The following ITGAE variants were observed in gnomAD, a reference collection of about 807,000 sequenced individuals.
ITGAE encodes the protein integrin alpha-E.
In ITGAE, 99 loss-of-function variants were observed where a neutral mutation model predicts 136.5. The observed-to-expected ratio is 0.73, with a 90% CI of 0.62 to 0.86. The LOEUF is 0.86. ITGAE is among the 40% of genes least tolerant of loss of function. The pLI is 0.00. For synonymous variants in ITGAE, 613 were observed against 591.8 expected (o/e 1.04, Z -0.52); for missense variants, 1,447 against 1,515.3 (o/e 0.95, Z 0.75).
chr17:3,791,154 CAAA>C (rs61179988), intron 1 of ITGAE, among the ~76,000 whole-genome samples: 2,382 of 96,290 alleles, frequency 0.025, 22 homozygotes, highest in Non-Finnish European at 0.036. Flanking sequence ...GACTCTGTCT[CAAA>C]AAAAAAAAAA....
At chr17:3,756,871 G>C in intron 10 of ITGAE, 113 bp downstream of exon 10, 1 of 1,160,000 alleles carries the variant, frequency 8.6e-7, no homozygotes, top group Non-Finnish European at 1.2e-6. Context: ...GAAGAGCTGA[G>C]GTTCAGGGAG....
At chr17:3,740,418 C>G (rs1476307046) in intron 19 of ITGAE, among the ~76,000 whole-genome samples, 3 of 152,188 alleles carry the variant, frequency 2.0e-5, no homozygotes, top group Non-Finnish European at 4.4e-5. Flanking sequence ...GCTCTGTCAT[C>G]CAGGCTGGAG....
intron 28 of ITGAE, among the ~76,000 whole-genome samples, chr17:3,723,040 C>T (rs183517105): frequency 2.4e-4 from 37 of 152,246 alleles, no homozygotes; most frequent in African/African-American, 8.2e-4. Context: ...GGGCTTGCTG[C>T]TGGAATAGAC....
At chr17:3,755,937 G>A (rs1241708232) in intron 10 of ITGAE, 40 bp from the exon 11 acceptor site, 1 of 1,554,024 alleles carries the variant, frequency 6.4e-7, no homozygotes, top group African/African-American at 1.4e-5. Flanking sequence ...TGTGGGCCGA[G>A]GTGAAGGGAG....
chr17:3,740,905 G>C (rs980306277), intron 19 of ITGAE, among the ~76,000 whole-genome samples: 1 of 152,108 alleles, frequency 6.6e-6, no homozygotes, highest in Non-Finnish European at 1.5e-5. Flanking sequence ...TGGCCACCTC[G>C]GCAGCTGTCT....
intron 26 of ITGAE, chr17:3,725,717 T>A (rs965277654): frequency 1.3e-6 from 2 of 1,573,784 alleles, no homozygotes; most frequent in African/African-American, 2.7e-5. Context: ...CTGATTTTTT[T>A]AAAGACGACC....
At chr17:3,746,212 G>C (rs145380863) in intron 17 of ITGAE, among the ~76,000 whole-genome samples, 2 of 152,286 alleles carry the variant, frequency 1.3e-5, no homozygotes, top group African/African-American at 4.8e-5. Context: ...AGGGGATCGA[G>C]ATTGAAGAAG....
chr17:3,769,332 C>G (rs2052366657), intron 2 of ITGAE, among the ~76,000 whole-genome samples: 1 of 151,804 alleles, frequency 6.6e-6, no homozygotes, highest in Admixed American at 6.6e-5. Context: ...GACTATAGCA[C>G]CCCACCCCCA....
chr17:3,737,198 C>G (rs1040359333), intron 20 of ITGAE, among the ~76,000 whole-genome samples: 1 of 152,172 alleles, frequency 6.6e-6, no homozygotes, highest in African/African-American at 2.4e-5. Flanking sequence ...GAGGCTGAGG[C>G]AGGAGAAGCA....
intron 1 of ITGAE, among the ~76,000 whole-genome samples, chr17:3,800,728 A>T (rs1597382891): frequency 6.6e-6 from 1 of 152,200 alleles, no homozygotes; most frequent in Non-Finnish European, 1.5e-5. Flanking sequence ...CCTGCTCTGT[A>T]ACAGAAGGGA....
rs143183572 is a variant in ITGAE at position 3,761,942 on chromosome 17, G to A, written c.288C>T (p.Thr96=). 3.6e-4 allele frequency: 585 copies of A among 1,613,966 alleles called. 3 individuals carry two copies. The African/African-American group carries it at 4.7e-3, about 13-fold the overall frequency. Residue 96 remains threonine, a synonymous_variant, in exon 4 of 31, where the codon ACC becomes ACT. Transcript: ENST00000263087. ...AAACACCGTGGTGGCTCCGGACAAC[G>A]GTCACTCCCCGGTGCCTCCCCTTGG... ...PIPKGRHRGV[T]VVRSHHGVLI... is the part of the protein sequence containing the mutation.
At chr17:3,728,928 C>T (rs2976233) in intron 24 of ITGAE, among the ~76,000 whole-genome samples, 19,198 of 151,216 alleles carry the variant, frequency 0.13, 4,041 homozygotes, top group African/African-American at 0.44. Flanking sequence ...CTCAACTACT[C>T]GGGAGGCTGA....
rs185506466 is a variant in ITGAE, at chr17:3,791,021, G to T, written c.34+10090C>A. Among the ~76,000 whole-genome samples the T allele has an allele frequency of 1.3e-3, 193 of 151,880 alleles. 1 individual carries two copies. Among genetic ancestry groups the T allele is most frequent in the African/African-American group, 4.5e-3 (187 of 41,468 alleles). On this transcript the variant is annotated intron_variant, in intron 1 of 30. Coordinates refer to ENST00000263087, the MANE Select transcript of ITGAE (RefSeq NM_002208.5). Reference sequence around the variant, plus strand: ...TACAAAAAAATTAGCCAGGCGTGGTGGTGGGCGCCTCTAGTCCCAGCTACT... The same window carrying T: ...TACAAAAAAATTAGCCAGGCGTGGTTGTGGGCGCCTCTAGTCCCAGCTACT...
At chr17:3,787,690 CTT>C (rs373882120) in intron 1 of ITGAE, among the ~76,000 whole-genome samples, 20 of 140,260 alleles carry the variant, frequency 1.4e-4, no homozygotes, top group Non-Finnish European at 1.4e-4. Context: ...ATGGTTTTCT[CTT>C]TTTTTTTTTT....
chr17:3,723,816 G>A (rs1219685144), intron 26 of ITGAE, 72 bp from the exon 27 acceptor site: 3 of 1,571,992 alleles, frequency 1.9e-6, no homozygotes, highest in Non-Finnish European at 2.6e-6. Flanking sequence ...TCCCGGCCCC[G>A]GCCCTGGCGA....
chr17:3,779,875 A>G (rs2052623963), intron 1 of ITGAE, among the ~76,000 whole-genome samples: 1 of 152,218 alleles, frequency 6.6e-6, no homozygotes. Flanking sequence ...TACTCCAACG[A>G]CAGCATGGGA....
chr17:3,761,807 A>G, intron 4 of ITGAE, 108 bp downstream of exon 4: 1 of 987,588 alleles, frequency 1.0e-6, no homozygotes, highest in Admixed American at 2.2e-5. Flanking sequence ...CGCTAGACTC[A>G]GCCTCGGGAA....
At chr17:3,755,327 G>A in intron 11 of ITGAE, 66 bp from the exon 12 acceptor site, 1 of 1,454,430 alleles carries the variant, frequency 6.9e-7, no homozygotes, top group Non-Finnish European at 9.0e-7. Flanking sequence ...CGGTGGCCGC[G>A]GGTCTCCGGG....
intron 1 of ITGAE, among the ~76,000 whole-genome samples, chr17:3,797,957 AG>A (rs763762558): frequency 8.5e-5 from 13 of 152,136 alleles, no homozygotes; most frequent in Non-Finnish European, 1.9e-4. Context: ...TGCCCTCAGC[AG>A]GAACTCCAAG....
Sources: allele counts gnomAD v4.1 joint callset (sites outside exome capture counted in the v4.1 genomes callset), GRCh38; gene constraint gnomAD v4.1.1; transcripts MANE v1.5; gene names NCBI Gene and HGNC (gene_info 2026-07-23, HGNC 2026-07-21).